Variants in TMEM132B observed in about 807,000 individuals in gnomAD.
The protein encoded by TMEM132B is transmembrane protein 132B.
A neutral mutation model predicts 90.8 loss-of-function variants in TMEM132B; 18 were observed. That is an observed-to-expected ratio of 0.20 (90% CI 0.14 to 0.29). The LOEUF is 0.29. Among genes scored for constraint, TMEM132B ranks in the 10% least tolerant of loss-of-function variants. The pLI is 1.00. For missense variants in TMEM132B, 1,096 were observed against 1,326.8 expected (o/e 0.83, Z 2.70); for synonymous variants, 504 against 523.3 (o/e 0.96, Z 0.50).
rs779747056 is a variant in TMEM132B, at chr12:125,454,384, GTGTGTGTT to G, written c.1106+38715_1106+38722del. On this transcript the variant is annotated intron_variant, in intron 3 of 8. Transcript: ENST00000682704. ...CCTGCCTACAGCCAGCCGTGTGTGT[GTGTGTGTT>G]TGTGTGTGTGTGTGTGTGTGTGTGT... Among the ~76,000 whole-genome samples, 780 of 138,562 alleles carry G rather than the reference GTGTGTGTT, an allele frequency of 5.6e-3. 6 individuals carry two copies. Among genetic ancestry groups the G allele is most frequent in the Middle Eastern group, 0.023 (6 of 262 alleles). 90.9% of individuals were successfully genotyped at this position (138,562 alleles called of 152,430 possible).
intron 1 of TMEM132B, among the ~76,000 whole-genome samples, chr12:125,237,882 T>C (rs1033950129): frequency 9.9e-5 from 15 of 152,160 alleles, no homozygotes; most frequent in African/African-American, 3.1e-4. Flanking sequence ...GTTGATGGTG[T>C]TGAATGAACA....
chr12:125,305,527 C>T (rs568287996), intron 1 of TMEM132B, among the ~76,000 whole-genome samples: 10 of 152,022 alleles, frequency 6.6e-5, no homozygotes, highest in African/African-American at 1.7e-4. Context: ...CATGGCATCG[C>T]GGACAGTTAA....
intron 2 of TMEM132B, among the ~76,000 whole-genome samples, chr12:125,395,383 T>C (rs529123042): frequency 2.1e-4 from 32 of 152,384 alleles, no homozygotes; most frequent in Admixed American, 7.2e-4. Flanking sequence ...TTTTGAGTTA[T>C]GAATTGAATT....
chr12:125,557,754 G>A (rs1052064062), intron 4 of TMEM132B, among the ~76,000 whole-genome samples: 1 of 152,278 alleles, frequency 6.6e-6, no homozygotes, highest in Non-Finnish European at 1.5e-5. Flanking sequence ...GATTAGTGGT[G>A]TCAAGGGGAG....
At chr12:125,651,111 A>G (rs1305482406) in intron 7 of TMEM132B, among the ~76,000 whole-genome samples, 158 bp downstream of exon 7, 1 of 152,242 alleles carries the variant, frequency 6.6e-6, no homozygotes, top group African/African-American at 2.4e-5. Context: ...TTGTAAGAGA[A>G]TCCTGGGAAG....
At chr12:125,326,720 G>C in intron 1 of TMEM132B, 2 of 1,577,758 alleles carry the variant, frequency 1.3e-6, no homozygotes, top group Non-Finnish European at 1.7e-6. Context: ...ACAGGGATGG[G>C]ACCAGACCCA....
intron 1 of TMEM132B, among the ~76,000 whole-genome samples, chr12:125,309,798 T>G (rs1161114026): frequency 6.6e-6 from 1 of 152,248 alleles, no homozygotes; most frequent in Non-Finnish European, 1.5e-5. Context: ...ACCTGGTGAC[T>G]TAAAAGAACA....
intron 7 of TMEM132B, among the ~76,000 whole-genome samples, chr12:125,651,471 A>G (rs938750201): frequency 6.6e-6 from 1 of 152,230 alleles, no homozygotes; most frequent in African/African-American, 2.4e-5. Flanking sequence ...TTATGCAGAA[A>G]TGGTGCAGAA....
chr12:125,603,507 A>G (rs1885617798), intron 5 of TMEM132B, among the ~76,000 whole-genome samples: 1 of 152,188 alleles, frequency 6.6e-6, no homozygotes, highest in Non-Finnish European at 1.5e-5. Context: ...CCCACAAGAA[A>G]ACCTAGGCAA....
chr12:125,211,078 A>G (rs1389674452), intron 1 of TMEM132B, among the ~76,000 whole-genome samples: 4 of 142,180 alleles, frequency 2.8e-5, no homozygotes, highest in Non-Finnish European at 6.5e-5. Flanking sequence ...CAAAAAAAAA[A>G]AATGTGAAAA....
chr12:125,595,115 A>C (rs1885410040), intron 5 of TMEM132B, among the ~76,000 whole-genome samples: 1 of 152,144 alleles, frequency 6.6e-6, no homozygotes, highest in Non-Finnish European at 1.5e-5. Context: ...ATTGAGAGGC[A>C]GTTTTGATGT....
chr12:125,504,228 C>T (rs576622872), intron 3 of TMEM132B, among the ~76,000 whole-genome samples: 12 of 150,596 alleles, frequency 8.0e-5, no homozygotes, highest in African/African-American at 2.9e-4. Flanking sequence ...GAATTCTAAT[C>T]TGATTGTTGA....
chr12:125,373,223 C>T (rs191853115), intron 2 of TMEM132B, among the ~76,000 whole-genome samples: 3 of 152,326 alleles, frequency 2.0e-5, no homozygotes, highest in Admixed American at 6.5e-5. Context: ...GAACCACACG[C>T]CTTTACATCT....
chr12:125,640,503 G>T (rs1886601692), intron 5 of TMEM132B, among the ~76,000 whole-genome samples: 1 of 152,188 alleles, frequency 6.6e-6, no homozygotes, highest in Non-Finnish European at 1.5e-5. Context: ...GCCTGTGCCG[G>T]GTAGGGAGGG....
intron 3 of TMEM132B, among the ~76,000 whole-genome samples, chr12:125,418,406 C>T (rs1593136094): frequency 6.6e-6 from 1 of 152,196 alleles, no homozygotes; most frequent in East Asian, 1.9e-4. Context: ...ATCTGACCTC[C>T]CTTGGGCCCT....
intron 4 of TMEM132B, among the ~76,000 whole-genome samples, chr12:125,544,551 A>G (rs924511883): frequency 6.6e-6 from 1 of 152,188 alleles, no homozygotes; most frequent in Non-Finnish European, 1.5e-5. Context: ...ATACTAATGA[A>G]GGTGCTGATA....
At chr12:125,418,866 C>T (rs1880095189) in intron 3 of TMEM132B, among the ~76,000 whole-genome samples, 1 of 151,924 alleles carries the variant, frequency 6.6e-6, no homozygotes. Context: ...GTGGTGTTGC[C>T]AAAAGAGGAG....
At chr12:125,533,609 C>A (rs1026563655) in intron 4 of TMEM132B, among the ~76,000 whole-genome samples, 2 of 152,222 alleles carry the variant, frequency 1.3e-5, no homozygotes, top group Admixed American at 1.3e-4. Flanking sequence ...ACCTCGTGGG[C>A]GATGGTCCTG....
rs1283735531 is a variant in TMEM132B, at chr12:125,612,460, A to T, written c.1437+28466A>T. 4.6e-5 allele frequency among the ~76,000 whole-genome samples: 7 copies of T among 151,360 alleles called. No homozygotes were observed. The Admixed American group carries it at 4.6e-4, about 10-fold the overall frequency. On this transcript the variant is annotated intron_variant, in intron 5 of 8. Coordinates refer to ENST00000682704, the MANE Select transcript of TMEM132B (RefSeq NM_001366854.1). Reference sequence around the variant, plus strand: ...TGCCTGGGCACCAGAGCGAGACTCCATATCAAAAATAAATAAATAAACAAT... The same window carrying T: ...TGCCTGGGCACCAGAGCGAGACTCCTTATCAAAAATAAATAAATAAACAAT...
Sources: allele counts gnomAD v4.1 joint callset (sites outside exome capture counted in the v4.1 genomes callset), GRCh38; gene constraint gnomAD v4.1.1; transcripts MANE v1.5; gene names NCBI Gene and HGNC (gene_info 2026-07-23, HGNC 2026-07-21).